The following GRM5 variants were observed in gnomAD, a reference collection of about 807,000 sequenced individuals.
GRM5 encodes glutamate metabotropic receptor 5, also known as metabotropic glutamate receptor 5.
GRM5 carries 19 observed loss-of-function variants against 83.1 expected under a neutral mutation model. That is an observed-to-expected ratio of 0.23 (90% CI 0.16 to 0.34). GRM5 has a LOEUF of 0.34. Among genes scored for constraint, GRM5 ranks in the 10% least tolerant of loss-of-function variants. The pLI is 1.00. For missense variants in GRM5, 1,160 were observed against 1,588.3 expected (o/e 0.73, Z 4.58); for synonymous variants, 675 against 633.6 (o/e 1.07, Z -0.98).
intron 2 of GRM5, among the ~76,000 whole-genome samples, chr11:88,974,001 C>A (rs1358658126): frequency 2.6e-5 from 4 of 152,082 alleles, no homozygotes; most frequent in South Asian, 2.1e-4. Flanking sequence ...TTCAGACATT[C>A]AATATTCTAC....
chr11:88,845,080 C>A (rs1237794580), intron 3 of GRM5, among the ~76,000 whole-genome samples: 1 of 152,172 alleles, frequency 6.6e-6, no homozygotes, highest in Non-Finnish European at 1.5e-5. Flanking sequence ...AAGAGCAGTT[C>A]TAACGCGGGT....
chr11:88,969,386 CTCTAAATTA>C (rs1212691837), intron 2 of GRM5, among the ~76,000 whole-genome samples: 1 of 151,974 alleles, frequency 6.6e-6, no homozygotes, highest in Non-Finnish European at 1.5e-5. Flanking sequence ...CCAAATTACC[CTCTAAATTA>C]AGATCTAACT....
intron 4 of GRM5, among the ~76,000 whole-genome samples, chr11:88,652,219 A>G (rs938106501): frequency 2.0e-5 from 3 of 152,100 alleles, no homozygotes; most frequent in Non-Finnish European, 4.4e-5. Flanking sequence ...TTCATGTTCA[A>G]TTTGCATTTT....
At position 88,677,657 on chromosome 11, in the gene GRM5, T is replaced by C. The variant is rs377672382; in HGVS notation, c.912-24254A>G. ...ACATAAGCTAATAAATCCTCTTTAA[T>C]GCTGAAACCAATCTACAATGAATTT... is the stretch of plus-strand genomic sequence containing the variant. On this transcript the variant is annotated intron_variant, in intron 3 of 9. Coordinates refer to ENST00000305447, the MANE Select transcript of GRM5 (RefSeq NM_001143831.3). Among the ~76,000 whole-genome samples the C allele has an allele frequency of 2.0e-5, 3 of 152,282 alleles. No individual in the cohort carries two copies. The East Asian group carries it at 5.8e-4, about 29-fold the overall frequency.
At chr11:89,000,916 G>A (rs180781412) in intron 2 of GRM5, among the ~76,000 whole-genome samples, 102 of 151,694 alleles carry the variant, frequency 6.7e-4, no homozygotes, top group African/African-American at 2.3e-3. Flanking sequence ...TCACTGAAGG[G>A]AATATACTGA....
At chr11:88,896,375 A>G (rs1336378920) in intron 2 of GRM5, among the ~76,000 whole-genome samples, 2 of 151,970 alleles carry the variant, frequency 1.3e-5, no homozygotes, top group African/African-American at 2.4e-5. Flanking sequence ...GGGATACGAA[A>G]AAAAGGAGGA....
chr11:88,857,534 C>A (rs1193718741), intron 2 of GRM5, among the ~76,000 whole-genome samples: 1 of 151,934 alleles, frequency 6.6e-6, no homozygotes, highest in African/African-American at 2.4e-5. Flanking sequence ...CCAAAATGGC[C>A]AGGAGTGGGA....
At chr11:88,816,198 C>A (rs1396029816) in intron 3 of GRM5, among the ~76,000 whole-genome samples, 1 of 106,804 alleles carries the variant, frequency 9.4e-6, no homozygotes, top group Non-Finnish European at 1.6e-5. Context: ...CCGGCCTGGG[C>A]GACAGAGCGA....
chr11:88,727,667 T>G (rs1323350500), intron 3 of GRM5, among the ~76,000 whole-genome samples: 1 of 152,122 alleles, frequency 6.6e-6, no homozygotes, highest in Non-Finnish European at 1.5e-5. Context: ...TGCAAAAGAA[T>G]GGAAATCATA....
chr11:88,638,003 T>C (rs1211806549), intron 4 of GRM5, among the ~76,000 whole-genome samples: 1 of 151,964 alleles, frequency 6.6e-6, no homozygotes, highest in African/African-American at 2.4e-5. Flanking sequence ...ATGTCCTTTT[T>C]AGGGACATGG....
chr11:88,734,741 C>A (rs1185797858), intron 3 of GRM5, among the ~76,000 whole-genome samples: 1 of 151,982 alleles, frequency 6.6e-6, no homozygotes, highest in Non-Finnish European at 1.5e-5. Context: ...TTCTGTGTAT[C>A]ATTTTTCTTC....
At chr11:88,799,788 T>C (rs1480894946) in intron 3 of GRM5, among the ~76,000 whole-genome samples, 1 of 152,122 alleles carries the variant, frequency 6.6e-6, no homozygotes, top group Non-Finnish European at 1.5e-5. Context: ...CTTTTTCTTA[T>C]CCTTCACCTA....
chr11:88,793,811 GT>G (rs1046649128), intron 3 of GRM5, among the ~76,000 whole-genome samples: 11 of 151,640 alleles, frequency 7.3e-5, no homozygotes, highest in African/African-American at 2.4e-4. Context: ...AGAGAAGACT[GT>G]TTTTTTTGTT....
chr11:88,570,571 A>ATATATATATATATATATTTTTTTTT (rs1405339448), intron 7 of GRM5, among the ~76,000 whole-genome samples: 1 of 46,378 alleles, frequency 2.2e-5, no homozygotes, highest in African/African-American at 1.3e-4. Context: ...ATATATATAT[A>ATATATATATATATATATTTTTTTTT]TTTTTTTTTT....
intron 2 of GRM5, among the ~76,000 whole-genome samples, chr11:89,026,653 A>G (rs1941136975): frequency 6.6e-6 from 1 of 152,218 alleles, no homozygotes; most frequent in South Asian, 2.1e-4. Context: ...TATATATGAA[A>G]ATACTAACAC....
At chr11:88,957,045 G>C (rs1474040908) in intron 2 of GRM5, among the ~76,000 whole-genome samples, 6 of 152,170 alleles carry the variant, frequency 3.9e-5, no homozygotes, top group Non-Finnish European at 4.4e-5. Context: ...AGTTCAAGGT[G>C]AAAAGTGCTA....
At chr11:88,677,986 T>G (rs1353162864) in intron 3 of GRM5, among the ~76,000 whole-genome samples, 1 of 152,086 alleles carries the variant, frequency 6.6e-6, no homozygotes, top group Non-Finnish European at 1.5e-5. Context: ...AAAATTGACT[T>G]AAATTAAAAT....
chr11:88,578,723 G>A (rs537766051), intron 7 of GRM5, among the ~76,000 whole-genome samples: 24 of 152,106 alleles, frequency 1.6e-4, no homozygotes, highest in Non-Finnish European at 3.1e-4. Flanking sequence ...TGAACGTTGA[G>A]AAATTGGAAG....
At chr11:88,542,226 G>A (rs1942283769) in intron 8 of GRM5, among the ~76,000 whole-genome samples, 1 of 152,150 alleles carries the variant, frequency 6.6e-6, no homozygotes, top group Non-Finnish European at 1.5e-5. Flanking sequence ...GAGTGGCTGG[G>A]TAGCTTGCTG....
Sources: allele counts gnomAD v4.1 joint callset (sites outside exome capture counted in the v4.1 genomes callset), GRCh38; gene constraint gnomAD v4.1.1; transcripts MANE v1.5; gene names NCBI Gene and HGNC (gene_info 2026-07-23, HGNC 2026-07-21).